The following SNTG1 variants were observed in gnomAD, a reference collection of about 807,000 sequenced individuals.
The protein encoded by SNTG1 is gamma-1-syntrophin.
In SNTG1, 39 loss-of-function variants were observed where a neutral mutation model predicts 74.7. That is an observed-to-expected ratio of 0.52 (90% CI 0.40 to 0.68). The LOEUF (loss-of-function observed/expected upper bound fraction) is 0.68. Ranked by LOEUF, SNTG1 falls within the 30% of genes least tolerant of loss-of-function variation. SNTG1 has a pLI of 0.00. For missense variants in SNTG1, 685 were observed against 609.5 expected (o/e 1.12, Z -1.30); for synonymous variants, 254 against 217.1 (o/e 1.17, Z -1.49).
At position 50,183,398 on chromosome 8, in the gene SNTG1, G is replaced by A. The variant is rs74797378; in HGVS notation, c.-28+10763G>A. On this transcript the variant is annotated intron_variant, in intron 2 of 18. Coordinates refer to ENST00000642720, the MANE Select transcript of SNTG1 (RefSeq NM_018967.5). The stretch of plus-strand genomic sequence containing the variant: ...CTGTATGATTGCCTGTGACTGTACC[G>A]TCTCCAGAGTCTCCGTTTTATAACT... Among the ~76,000 whole-genome samples, 866 of 152,150 alleles carry A rather than the reference G, an allele frequency of 5.7e-3. 7 individuals are homozygous for A. Among genetic ancestry groups the A allele is most frequent in the South Asian group, 0.03 (144 of 4,812 alleles).
At chr8:50,388,002 G>A (rs534847749) in intron 2 of SNTG1, among the ~76,000 whole-genome samples, 80 of 152,206 alleles carry the variant, frequency 5.3e-4, no homozygotes, top group Non-Finnish European at 9.7e-4. Context: ...CCCAATCAAC[G>A]TCTGTGTTTA....
At chr8:50,691,026 C>G (rs1156757204) in intron 15 of SNTG1, among the ~76,000 whole-genome samples, 1 of 152,108 alleles carries the variant, frequency 6.6e-6, no homozygotes, top group Non-Finnish European at 1.5e-5. Flanking sequence ...CTCTTTTGAT[C>G]TTTGTTGGTT....
At chr8:50,545,934 T>G (rs897144610) in intron 11 of SNTG1, among the ~76,000 whole-genome samples, 1 of 152,114 alleles carries the variant, frequency 6.6e-6, no homozygotes, top group East Asian at 1.9e-4. Context: ...TGAATCTGAC[T>G]TATAGTAAAT....
chr8:50,300,481 T>TATA (rs2089597921), intron 2 of SNTG1, among the ~76,000 whole-genome samples: 1 of 152,108 alleles, frequency 6.6e-6, no homozygotes, highest in Non-Finnish European at 1.5e-5. Context: ...AGCATCAAAA[T>TATA]ATAAGAATGG....
At chr8:50,047,965 T>G (rs1819243258) in intron 1 of SNTG1, among the ~76,000 whole-genome samples, 1 of 152,110 alleles carries the variant, frequency 6.6e-6, no homozygotes, top group African/African-American at 2.4e-5. Flanking sequence ...TCATACTAAT[T>G]TCAAGGTATT....
intron 1 of SNTG1, among the ~76,000 whole-genome samples, chr8:50,004,150 G>T (rs1814998742): frequency 6.6e-6 from 1 of 152,024 alleles, no homozygotes; most frequent in South Asian, 2.1e-4. Context: ...TTTGTAAGGA[G>T]TCAGTATGAA....
chr8:50,247,870 C>G (rs557551790), intron 2 of SNTG1, among the ~76,000 whole-genome samples: 80 of 151,822 alleles, frequency 5.3e-4, no homozygotes, highest in African/African-American at 1.9e-3. Flanking sequence ...TTTTGAAGAC[C>G]CTTTGTATTT....
chr8:50,707,466 A>T (rs570991425), intron 16 of SNTG1, among the ~76,000 whole-genome samples: 62 of 150,962 alleles, frequency 4.1e-4, no homozygotes, highest in Non-Finnish European at 6.9e-4. Context: ...TGCTTTTTTT[A>T]AAAAAATGTA....
chr8:50,115,574 A>AC (rs2080783838), intron 1 of SNTG1, among the ~76,000 whole-genome samples: 1 of 146,466 alleles, frequency 6.8e-6, no homozygotes, highest in Non-Finnish European at 1.5e-5. Flanking sequence ...TCTCAAAAAA[A>AC]AAAAAAAAAA....
chr8:50,099,462 T>C (rs2080045338), intron 1 of SNTG1, among the ~76,000 whole-genome samples: 1 of 152,104 alleles, frequency 6.6e-6, no homozygotes, highest in Non-Finnish European at 1.5e-5. Context: ...AACGTGGGGA[T>C]GCAAGTGTCT....
intron 3 of SNTG1, among the ~76,000 whole-genome samples, chr8:50,397,154 G>A (rs1412267604): frequency 2.6e-5 from 4 of 152,086 alleles, no homozygotes; most frequent in Non-Finnish European, 5.9e-5. Flanking sequence ...TTAAAATTAT[G>A]TTTGGTGTAT....
intron 4 of SNTG1, among the ~76,000 whole-genome samples, chr8:50,434,077 C>T (rs955936595): frequency 2.2e-5 from 3 of 133,388 alleles, no homozygotes; most frequent in Non-Finnish European, 3.1e-5. Flanking sequence ...GTGTGATGTT[C>T]CCCTTCCTGT....
At chr8:50,004,450 T>C (rs1815025599) in intron 1 of SNTG1, among the ~76,000 whole-genome samples, 2 of 152,108 alleles carry the variant, frequency 1.3e-5, no homozygotes, top group African/African-American at 2.4e-5. Flanking sequence ...TTTTCCAGAA[T>C]CTAGAGGATC....
In SNTG1 at chr8:50,561,359, T is replaced by C. The variant is rs150609540; in HGVS notation, c.810+8180T>C. Among the ~76,000 whole-genome samples, 208 of 152,282 alleles carry C rather than the reference T, an allele frequency of 1.4e-3. 1 individual carries two copies. Among genetic ancestry groups the C allele is most frequent in the African/African-American group, 4.6e-3 (193 of 41,546 alleles). On this transcript the variant is annotated intron_variant, in intron 12 of 18. Coordinates refer to ENST00000642720, the MANE Select transcript of SNTG1 (RefSeq NM_018967.5). The stretch of plus-strand genomic sequence containing the variant: ...TTACTGAGTGTCAGGTATTTCTTTA[T>C]AGCAGTGTGAAAACAGACTAAAACA...
chr8:50,010,433 C>G (rs1421395560), intron 1 of SNTG1, among the ~76,000 whole-genome samples: 2 of 152,112 alleles, frequency 1.3e-5, no homozygotes, highest in Admixed American at 1.3e-4. Context: ...TAATTCTTGT[C>G]ATAGCCATTT....
chr8:50,198,005 T>C (rs1214415779), intron 2 of SNTG1, among the ~76,000 whole-genome samples: 1 of 152,198 alleles, frequency 6.6e-6, no homozygotes, highest in East Asian at 1.9e-4. Flanking sequence ...TCTTGTGTTC[T>C]GTTGGTGTCC....
chr8:50,066,967 T>C (rs1168497774), intron 1 of SNTG1, among the ~76,000 whole-genome samples: 2 of 152,234 alleles, frequency 1.3e-5, no homozygotes, highest in African/African-American at 4.8e-5. Flanking sequence ...AATTTGATTA[T>C]AGCAATAAAT....
At chr8:50,619,746 A>G (rs2094909277) in intron 13 of SNTG1, among the ~76,000 whole-genome samples, 1 of 151,534 alleles carries the variant, frequency 6.6e-6, no homozygotes, top group African/African-American at 2.4e-5. Flanking sequence ...AAAAAAAAAA[A>G]AAAAGAAAGA....
chr8:49,966,270 A>C (rs1009595376), intron 1 of SNTG1, among the ~76,000 whole-genome samples: 11 of 152,242 alleles, frequency 7.2e-5, no homozygotes, highest in African/African-American at 2.6e-4. Context: ...TTAGTCCATA[A>C]AATCATTGTA....
Sources: gnomAD v4.1 joint callset for allele counts (sites outside exome capture counted in the v4.1 genomes callset) on GRCh38, gnomAD v4.1.1 for gene constraint, MANE v1.5 for transcripts, NCBI Gene and HGNC (gene_info 2026-07-23, HGNC 2026-07-21) for gene names.